The following USP54 variants were observed in gnomAD, a reference collection of about 807,000 sequenced individuals.
USP54 encodes ubiquitin carboxyl-terminal hydrolase 54.
Under a neutral mutation model 170.5 loss-of-function variants are expected in USP54, and 87 were observed. The observed-to-expected ratio is 0.51, with a 90% CI of 0.43 to 0.61. The LOEUF is 0.61. USP54 is among the 20% of genes least tolerant of loss of function. The probability of loss-of-function intolerance (pLI) is 0.00; values close to 1 mark genes in which losing one functional copy is unlikely to be tolerated. For synonymous variants in USP54, 655 were observed against 742.8 expected, an observed-to-expected ratio of 0.88 and a Z score of 1.92; for missense variants, 1,786 against 2,047.8, an observed-to-expected ratio of 0.87 and a Z score of 2.47.
chr10:73,604,718 G>A (rs1433533577), intron 1 of USP54, among the ~76,000 whole-genome samples: 2 of 151,794 alleles, frequency 1.3e-5, no homozygotes, highest in Non-Finnish European at 2.9e-5. Flanking sequence ...AGCCTCCCAA[G>A]CAGCTGGTGT....
chr10:73,525,146 T>C (rs2062630665), intron 16 of USP54, among the ~76,000 whole-genome samples: 1 of 152,174 alleles, frequency 6.6e-6, no homozygotes, highest in South Asian at 2.1e-4. Context: ...TATATGTACA[T>C]AAACTTATCT....
At chr10:73,562,261 A>C (rs1458855686) in intron 4 of USP54, among the ~76,000 whole-genome samples, 1 of 152,212 alleles carries the variant, frequency 6.6e-6, no homozygotes, top group East Asian at 1.9e-4. Flanking sequence ...GAGAATAAAC[A>C]TAACATATAC....
intron 1 of USP54, among the ~76,000 whole-genome samples, chr10:73,584,534 A>C (rs2077259177): frequency 6.6e-6 from 1 of 152,230 alleles, no homozygotes; most frequent in African/African-American, 2.4e-5. Flanking sequence ...TCAGAGCTAA[A>C]TGTGCGCAGA....
chr10:73,612,004 G>A (rs574799094), intron 1 of USP54, among the ~76,000 whole-genome samples: 32 of 150,718 alleles, frequency 2.1e-4, no homozygotes, highest in African/African-American at 7.1e-4. Context: ...CCAGCTACTC[G>A]GGAGGCTGAG....
chr10:73,597,222 C>A (rs1351457057), intron 1 of USP54, among the ~76,000 whole-genome samples: 2 of 152,218 alleles, frequency 1.3e-5, no homozygotes, highest in East Asian at 1.9e-4. Flanking sequence ...GACAAAAACA[C>A]AGCCCTTTCC....
chr10:73,499,090 G>T lies in USP54; in HGVS notation c.4594C>A (p.Leu1532Ile). The T allele has an allele frequency of 6.2e-7, 1 of 1,614,128 alleles. No individual in the cohort carries two copies. Among genetic ancestry groups the T allele is most frequent in the African/African-American group, 1.3e-5 (1 of 75,012 alleles). ...YTGRTLNYQS[L>I]PHRSRTDNSW... ...TTGTCTGTTCTGGAGCGATGGGGGA[G>T]GCTCTGGTAGTTCAAAGTCCTTCCT... The change falls in exon 24 of 24, where the codon CTC (leucine) becomes ATC (isoleucine). Residue 1532 changes from leucine (L) to isoleucine (I), a missense_variant. By Grantham distance (5) the Leu-to-Ile change is conservative (BLOSUM62 2). Transcript: ENST00000687698.
chr10:73,569,386 A>G (rs2074544253), intron 4 of USP54, among the ~76,000 whole-genome samples: 1 of 152,216 alleles, frequency 6.6e-6, no homozygotes, highest in Admixed American at 6.5e-5. Context: ...TGGGCACAGT[A>G]AGAAATGTTA....
At chr10:73,542,203 A>G (rs142893123) in intron 7 of USP54, among the ~76,000 whole-genome samples, 169 of 152,214 alleles carry the variant, frequency 1.1e-3, no homozygotes, top group African/African-American at 2.1e-3. Flanking sequence ...GGTTCAAGCA[A>G]TTCTCATGCC....
At chr10:73,566,357 T>C (rs2073803527) in intron 4 of USP54, among the ~76,000 whole-genome samples, 1 of 152,214 alleles carries the variant, frequency 6.6e-6, no homozygotes, top group South Asian at 2.1e-4. Flanking sequence ...CATACAATGA[T>C]TCCATTTACA....
chr10:73,621,599 C>CA (rs11380656), intron 1 of USP54, among the ~76,000 whole-genome samples: 7,660 of 60,606 alleles, frequency 0.13, 636 homozygotes, highest in East Asian at 0.28. Flanking sequence ...CACTCCGTCT[C>CA]AAAAAAAAAA....
intron 12 of USP54, among the ~76,000 whole-genome samples, chr10:73,533,485 G>T (rs1482665558): frequency 6.6e-6 from 1 of 151,528 alleles, no homozygotes; most frequent in Non-Finnish European, 1.5e-5. Context: ...GAAACTAGGT[G>T]ATGGGTACAT....
chr10:73,530,420 A>G lies in USP54; in HGVS notation c.1551T>C (p.His517=). The change falls in exon 14 of 24, where the codon CAT becomes CAC. Residue 517 remains histidine (H), a synonymous_variant. Transcript: ENST00000687698. The part of the protein sequence containing the change: ...DFKETVSNMI[H]NRPSLASQTN... ...TCTGAGAAGCCAGGGATGGTCTGTTATGGATCATATTGCTGACTGTCTCTT... is the reference window on the plus strand; with the variant it reads ...TCTGAGAAGCCAGGGATGGTCTGTTGTGGATCATATTGCTGACTGTCTCTT... 1.2e-6 allele frequency: 2 copies of G among 1,614,162 alleles called. No homozygotes were observed. Among genetic ancestry groups the G allele is most frequent in the Non-Finnish European group, 1.7e-6 (2 of 1,180,020 alleles).
chr10:73,578,707 C>T (rs1188803511), intron 1 of USP54, among the ~76,000 whole-genome samples: 1 of 152,000 alleles, frequency 6.6e-6, no homozygotes, highest in Non-Finnish European at 1.5e-5. Context: ...CCCAGCCAGT[C>T]AATTGATTTT....
rs897196759 is a variant in USP54, at chr10:73,620,173, C to T, written c.-18+5394G>A. 4.7e-5 allele frequency among the ~76,000 whole-genome samples: 7 copies of T among 149,774 alleles called. No individual in the cohort carries two copies. The East Asian group carries it at 9.6e-4, about 21-fold the overall frequency. On this transcript the variant is annotated intron_variant, in intron 1 of 22. Coordinates refer to the USP54 transcript ENST00000339859. ...ACTGAAAATACAATAATTAGCTGGG[C>T]GTGGTGGCGGGCGCCTGTAGTCCCA...
intron 1 of USP54, among the ~76,000 whole-genome samples, chr10:73,609,577 G>A (rs1428589994): frequency 6.6e-6 from 1 of 152,050 alleles, no homozygotes; most frequent in Non-Finnish European, 1.5e-5. Context: ...CGGGCATGGT[G>A]GCTCCTGCCT....
intron 20 of USP54, among the ~76,000 whole-genome samples, chr10:73,508,671 T>G (rs911007183): frequency 3.3e-5 from 4 of 122,162 alleles, no homozygotes; most frequent in East Asian, 4.1e-4. Context: ...GAAGAACATG[T>G]TTTTTTTTTT....
chr10:73,618,363 G>A (rs538057291), intron 1 of USP54, among the ~76,000 whole-genome samples: 2 of 150,630 alleles, frequency 1.3e-5, no homozygotes, highest in South Asian at 4.2e-4. Context: ...CTGGGCTCAA[G>A]GGATCTTCCT....
intron 5 of USP54, 21 bp from the exon 6 acceptor site, chr10:73,543,152 G>C (rs2066979745): frequency 1.3e-6 from 2 of 1,522,532 alleles, no homozygotes; most frequent in Non-Finnish European, 1.8e-6. Flanking sequence ...AAGAACAAAA[G>C]CAGTATACCA....
intron 20 of USP54, among the ~76,000 whole-genome samples, chr10:73,511,161 C>T (rs1217184941): frequency 6.9e-6 from 1 of 144,950 alleles, no homozygotes; most frequent in Non-Finnish European, 1.5e-5. Context: ...TGCAGCGGCA[C>T]AATCTCAGCT....
Sources: allele counts gnomAD v4.1 joint callset (sites outside exome capture counted in the v4.1 genomes callset), GRCh38; gene constraint gnomAD v4.1.1; transcripts MANE v1.5; gene names NCBI Gene and HGNC (gene_info 2026-07-23, HGNC 2026-07-21).